Variants in KIAA0825 observed in about 807,000 individuals in gnomAD.
KIAA0825 encodes KIAA0825.
KIAA0825 carries 119 observed loss-of-function variants against 147.6 expected under a neutral mutation model. That is an observed-to-expected ratio of 0.81 (90% CI 0.69 to 0.94). The LOEUF is 0.94. Among genes scored for constraint, KIAA0825 ranks in the 40% least tolerant of loss-of-function variants. The probability of loss-of-function intolerance (pLI) is 0.00; values close to 1 mark genes in which losing one functional copy is unlikely to be tolerated. For missense variants in KIAA0825, 1,381 were observed against 1,472.7 expected (o/e 0.94, Z 1.02); for synonymous variants, 470 against 518.1 (o/e 0.91, Z 1.26).
chr5:94,487,970 A>G lies in KIAA0825; in HGVS notation c.971-3040T>C, dbSNP rs140119535. Among the ~76,000 whole-genome samples the G allele has an allele frequency of 1.8e-4, 27 of 152,146 alleles. 2 individuals are homozygous for G. In the South Asian group the frequency reaches 3.5e-3, roughly 20 times the overall value. On this transcript the variant is annotated intron_variant, in intron 5 of 20. Coordinates refer to ENST00000682413, the MANE Select transcript of KIAA0825 (RefSeq NM_001145678.3). ...CCTGTCTCAAAAACAAAACAAAACAAAACAAAAAAATGGCTCCATCTCGGC... is the reference window on the plus strand; with the variant it reads ...CCTGTCTCAAAAACAAAACAAAACAGAACAAAAAAATGGCTCCATCTCGGC...
intron 20 of KIAA0825, among the ~76,000 whole-genome samples, chr5:94,154,957 C>T (rs1766897825): frequency 6.6e-6 from 1 of 152,004 alleles, no homozygotes; most frequent in Non-Finnish European, 1.5e-5. Context: ...AGCTGTCCAC[C>T]ATAATGTACT....
At chr5:94,336,454 CCTT>C (rs1378003695) in intron 20 of KIAA0825, among the ~76,000 whole-genome samples, 1 of 149,246 alleles carries the variant, frequency 6.7e-6, no homozygotes, top group Non-Finnish European at 1.5e-5. Context: ...ATGTTCCCCT[CCTT>C]GTGTCCATGT....
At chr5:94,580,229 A>C (rs914200259) in intron 2 of KIAA0825, among the ~76,000 whole-genome samples, 6 of 152,200 alleles carry the variant, frequency 3.9e-5, no homozygotes, top group Non-Finnish European at 5.9e-5. Context: ...CAGGTGTTTC[A>C]ATCAAGAAGA....
intron 2 of KIAA0825, among the ~76,000 whole-genome samples, chr5:94,537,377 C>T (rs909406570): frequency 3.3e-5 from 5 of 152,128 alleles, no homozygotes; most frequent in South Asian, 2.1e-4. Context: ...GAGGGCCGGG[C>T]GCGGTGGCTC....
At chr5:94,394,218 ACT>A (rs758472500) in intron 17 of KIAA0825, among the ~76,000 whole-genome samples, 6 of 152,108 alleles carry the variant, frequency 3.9e-5, no homozygotes, top group East Asian at 1.9e-4. Context: ...GTCAAATTTA[ACT>A]CTTTTTCAAA....
At chr5:94,229,944 G>T (rs1774542450) in intron 20 of KIAA0825, among the ~76,000 whole-genome samples, 1 of 151,294 alleles carries the variant, frequency 6.6e-6, no homozygotes, top group African/African-American at 2.4e-5. Context: ...TCTCTCTTTT[G>T]ATTTCTTTTA....
chr5:94,243,513 C>T (rs1302447475), intron 20 of KIAA0825, among the ~76,000 whole-genome samples: 1 of 152,134 alleles, frequency 6.6e-6, no homozygotes, highest in Non-Finnish European at 1.5e-5. Flanking sequence ...GAGTGCCTGG[C>T]CCATAGCAAG....
chr5:94,479,896 G>T lies in KIAA0825; in HGVS notation c.1133-2691C>A, dbSNP rs913090521. 2.0e-5 allele frequency among the ~76,000 whole-genome samples: 3 copies of T among 152,090 alleles called. No homozygotes were observed. In the East Asian group the frequency reaches 5.8e-4, roughly 29 times the overall value. On this transcript the variant is annotated intron_variant, in intron 6 of 20. Coordinates refer to ENST00000682413, the MANE Select transcript of KIAA0825 (RefSeq NM_001145678.3). ...ATCTGTGTATCCTCTTTGGTGAGGT[G>T]TCTGTTCAGATCTTTTATGAATTTT...
At chr5:94,518,182 G>A (rs542283049) in intron 5 of KIAA0825, among the ~76,000 whole-genome samples, 13 of 152,118 alleles carry the variant, frequency 8.5e-5, no homozygotes, top group East Asian at 5.8e-4. Context: ...AGCCATTGTC[G>A]GTCATCTCAA....
intron 20 of KIAA0825, among the ~76,000 whole-genome samples, chr5:94,253,923 C>T (rs761188880): frequency 8.5e-5 from 13 of 152,122 alleles, no homozygotes; most frequent in Non-Finnish European, 1.9e-4. Context: ...TTCACTGTCA[C>T]TTTATTAGCC....
chr5:94,298,736 C>T (rs1199460352), intron 20 of KIAA0825, among the ~76,000 whole-genome samples: 1 of 152,098 alleles, frequency 6.6e-6, no homozygotes, highest in Non-Finnish European at 1.5e-5. Flanking sequence ...AAATCAGATT[C>T]CTTCGAGTAG....
rs138831904 is a variant in KIAA0825, at chr5:94,181,757, C to T, written c.3711-27633G>A. On this transcript the variant is annotated intron_variant, in intron 20 of 20. Coordinates refer to ENST00000682413, the MANE Select transcript of KIAA0825 (RefSeq NM_001145678.3). ...TAGTCCACAGAGAAGAGTAAAACAG[C>T]AATTGAAATTTTGATTCATCGATTT... Among the ~76,000 whole-genome samples the T allele has an allele frequency of 9.1e-3, 1,387 of 152,200 alleles. 11 individuals are homozygous for T. Among genetic ancestry groups the T allele is most frequent in the Non-Finnish European group, 0.014 (934 of 68,000 alleles).
chr5:94,529,309 A>G (rs148104229), intron 3 of KIAA0825, among the ~76,000 whole-genome samples: 22,464 of 130,756 alleles, frequency 0.17, 2,265 homozygotes, highest in East Asian at 0.28. Context: ...ATATATGTAT[A>G]TATCATATAT....
intron 15 of KIAA0825, chr5:94,415,155 C>T (rs1327252950): frequency 6.6e-6 from 1 of 152,146 alleles, no homozygotes; most frequent in Non-Finnish European, 1.5e-5. Context: ...GATACCACTT[C>T]ATCTTTGTCC....
intron 1 of KIAA0825, among the ~76,000 whole-genome samples, chr5:94,607,055 C>T (rs1457297609): frequency 6.6e-6 from 1 of 152,154 alleles, no homozygotes; most frequent in Admixed American, 6.5e-5. Context: ...AATGTCCAAA[C>T]CATATCACTT....
At chr5:94,361,843 C>T (rs79780290) in intron 20 of KIAA0825, among the ~76,000 whole-genome samples, 5,113 of 152,260 alleles carry the variant, frequency 0.034, 271 homozygotes, top group African/African-American at 0.12. Flanking sequence ...AACATAAACA[C>T]ACAGACTTGG....
intron 12 of KIAA0825, among the ~76,000 whole-genome samples, chr5:94,458,309 T>A (rs1199481090): frequency 1.3e-5 from 2 of 152,164 alleles, no homozygotes. Context: ...CCATAGTAGA[T>A]TCATGGTAAA....
rs1286768894 is a variant in KIAA0825, at chr5:94,618,483, C to T, written c.-153+17G>A. On this transcript the variant is annotated intron_variant, in intron 1 of 20. Transcript: ENST00000682413. The stretch of plus-strand genomic sequence containing the variant: ...ATTAATATCAGGCGCAGGAGAAAAC[C>T]CAGTAAAATCACTTACCAGTCTTCC... 1.3e-5 allele frequency: 2 copies of T among 152,918 alleles called. No homozygotes were observed. Among genetic ancestry groups the T allele is most frequent in the Non-Finnish European group, 2.9e-5 (2 of 68,326 alleles). 9.5% of individuals were successfully genotyped at this position (152,918 alleles called of 1,614,324 possible).
chr5:94,533,714 T>C (rs181307919), intron 3 of KIAA0825, among the ~76,000 whole-genome samples: 384 of 152,376 alleles, frequency 2.5e-3, no homozygotes, highest in African/African-American at 8.6e-3. Flanking sequence ...ACATTCATAA[T>C]GTTTCTCTTT....
Sources: allele counts gnomAD v4.1 joint callset (sites outside exome capture counted in the v4.1 genomes callset), GRCh38; gene constraint gnomAD v4.1.1; transcripts MANE v1.5; gene names NCBI Gene and HGNC (gene_info 2026-07-23, HGNC 2026-07-21).